The following CYP24A1 variants were observed in gnomAD, a reference collection of about 807,000 sequenced individuals.
The protein encoded by CYP24A1 is cytochrome P450 family 24 subfamily A member 1, also known as 1,25-dihydroxyvitamin D(3) 24-hydroxylase, mitochondrial.
A neutral mutation model predicts 62.4 loss-of-function variants in CYP24A1; 68 were observed. That is an observed-to-expected ratio of 1.09 (90% CI 0.90 to 1.33). CYP24A1 has a LOEUF of 1.33. Among genes scored for constraint, CYP24A1 ranks in the 40% most tolerant of loss-of-function variants. CYP24A1 has a pLI of 0.00. For missense variants in CYP24A1, 787 were observed against 653.0 expected (o/e 1.21, Z -2.24); for synonymous variants, 267 against 253.0 (o/e 1.06, Z -0.52).
intron 11 of CYP24A1, among the ~76,000 whole-genome samples, chr20:54,155,089 G>C (rs1031981903): frequency 5.9e-5 from 9 of 151,644 alleles, no homozygotes; most frequent in African/African-American, 9.7e-5. Flanking sequence ...TGATAAACAT[G>C]CATGCTCTTT....
chr20:54,173,550 C>T lies in CYP24A1; in HGVS notation c.30G>A (p.Ser10=), dbSNP rs1443725661. 6.3e-7 allele frequency: 1 copy of T among 1,581,966 alleles called. No homozygotes were observed. Among genetic ancestry groups the T allele is most frequent in the African/African-American group, 1.3e-5 (1 of 74,606 alleles). Residue 10 remains serine, a synonymous_variant, in exon 1 of 12, where the codon TCG becomes TCA. Coordinates refer to ENST00000216862, the MANE Select transcript of CYP24A1 (RefSeq NM_000782.5). This position sits in a 1 kb window ranked among gnomAD's most constrained non-coding sequence, Gnocchi z 7.2. ...GCAGCTGCTGCAGGAAGGCGGCAAGCGAGCGGCTCTTGCTGATGGGGGAGC... is the reference window on the plus strand; with the variant it reads ...GCAGCTGCTGCAGGAAGGCGGCAAGTGAGCGGCTCTTGCTGATGGGGGAGC... The part of the protein sequence containing the change: MSSPISKSR[S]LAAFLQQLRS...
chr20:54,151,859 C>G (rs1047023720), downstream of CYP24A1, among the ~76,000 whole-genome samples: 1 of 151,654 alleles, frequency 6.6e-6, no homozygotes, highest in Non-Finnish European at 1.5e-5. Flanking sequence ...TACTGAGCAC[C>G]TCTGTGCCTC....
downstream of CYP24A1, among the ~76,000 whole-genome samples, chr20:54,150,112 A>T: frequency 6.6e-6 from 1 of 152,222 alleles, no homozygotes; most frequent in East Asian, 1.9e-4. Flanking sequence ...TTCACAAAAA[A>T]ATTTGCAACC....
downstream of CYP24A1, among the ~76,000 whole-genome samples, chr20:54,153,250 G>T (rs553211098): frequency 2.0e-5 from 3 of 152,286 alleles, no homozygotes; most frequent in East Asian, 5.8e-4. Context: ...TATTTAAGCA[G>T]CAACAAAATG....
intron 4 of CYP24A1, among the ~76,000 whole-genome samples, chr20:54,166,577 A>G (rs1372909512): frequency 6.6e-6 from 1 of 152,234 alleles, no homozygotes; most frequent in East Asian, 1.9e-4. Flanking sequence ...TAAATACTTT[A>G]GCAGTAATGT....
intron 7 of CYP24A1, chr20:54,162,430 C>T: frequency 2.5e-6 from 1 of 406,238 alleles, no homozygotes; most frequent in Non-Finnish European, 4.6e-6. Context: ...CCTACTCTGG[C>T]TTTTTGTCAC....
In CYP24A1 at chr20:54,172,960, G is replaced by A. The variant is rs2092699137; in HGVS notation, c.398C>T (p.Pro133Leu). The A allele has an allele frequency of 2.5e-6, 4 of 1,613,522 alleles. No individual in the cohort carries two copies. The highest frequency in any genetic ancestry group is 2.2e-5 in the East Asian group (1 of 44,882). The change falls in exon 2 of 12, where the codon CCG becomes CTG. Residue 133 changes from proline (P) to leucine (L), a missense_variant. Physicochemically the swap from Pro to Leu is moderately conservative, Grantham distance 98. Coordinates refer to ENST00000216862, the MANE Select transcript of CYP24A1 (RefSeq NM_000782.5). ...GCGGTAGTCGCGATAGGCCTTCCAC[G>A]GTTTGATCTCCAGCCGCTGCGGGTA... ...SAYPQRLEIK[P>L]WKAYRDYRKE...
In CYP24A1 at chr20:54,173,351, C is replaced by T. The variant is rs1215065869; in HGVS notation, c.229G>A (p.Gly77Arg). 3 of 1,607,172 alleles carry T rather than the reference C, an allele frequency of 1.9e-6. No individual in the cohort carries two copies. Among genetic ancestry groups the T allele is most frequent in the Admixed American group, 3.4e-5 (2 of 59,332 alleles). The change falls in exon 1 of 12, where the codon GGG becomes AGG. Residue 77 changes from glycine to arginine, a missense_variant. Coordinates refer to ENST00000216862, the MANE Select transcript of CYP24A1 (RefSeq NM_000782.5). The surrounding 1 kb of genome is among the most constrained non-coding windows in gnomAD (Gnocchi z 7.2). ...GTGTCGTGCTGTTTCTTGAGACCCC[C>T]TTTCCAGAGAATCTGCAGCAGGCTG... ...LGSLLQILWK[G>R]GLKKQHDTLV...
At chr20:54,162,300 A>G (rs1190823673) in intron 7 of CYP24A1, among the ~76,000 whole-genome samples, 1 of 144,960 alleles carries the variant, frequency 6.9e-6, no homozygotes, top group Non-Finnish European at 1.5e-5. Flanking sequence ...TAACATGTGC[A>G]ACTGAACAAA....
In CYP24A1 at chr20:54,164,579, A is replaced by G; in HGVS notation, c.733-16T>C. 1 of 1,614,116 alleles carries G rather than the reference A, an allele frequency of 6.2e-7. No homozygotes were observed. ...TGCTCATCATCTGAGAGAAATGCAA[A>G]TGCCTTTTTATTCTGAATTCTCCTT... On this transcript the variant is annotated splice_polypyrimidine_tract_variant and intron_variant, in intron 5 of 11. Transcript: ENST00000216862.
chr20:54,171,784 T>G, intron 2 of CYP24A1, 114 bp from the exon 3 acceptor site: 2 of 1,590,536 alleles, frequency 1.3e-6, no homozygotes, highest in South Asian at 2.2e-5. Context: ...CTGAGAATCA[T>G]GCCAAGAAAT....
At position 54,165,744 on chromosome 20, in the gene CYP24A1, T is replaced by A; in HGVS notation, c.730A>T (p.Thr244Ser). ...GCTTTCTTAAAGAGGCTGCTTACTGTTTTGATGGCCATGATGAAGTTCACA... is the reference window on the plus strand; with the variant it reads ...GCTTTCTTAAAGAGGCTGCTTACTGATTTGATGGCCATGATGAAGTTCACA... ...EAVNFIMAIK[T>S]MMSTFGRMMV... is the part of the protein sequence containing the mutation. The change falls in exon 5 of 12, where the codon ACA (threonine) becomes TCA (serine). Residue 244 changes from threonine (T) to serine (S), a missense_variant and splice_region_variant. Coordinates refer to ENST00000216862, the MANE Select transcript of CYP24A1 (RefSeq NM_000782.5). 7.0e-7 allele frequency: 1 copy of A among 1,421,252 alleles called. No homozygotes were observed. Among genetic ancestry groups the A allele is most frequent in the East Asian group, 2.3e-5 (1 of 44,014 alleles). 88.0% of individuals were successfully genotyped at this position (1,421,252 alleles called of 1,614,324 possible). A position where few individuals can be genotyped will look rare whatever the true frequency, so the allele number is the denominator to read the frequency against.
rs532499456 is a variant in CYP24A1 at position 54,165,735 on chromosome 20, T to A, written c.732+7A>T. The A allele has an allele frequency of 6.2e-5, 83 of 1,330,102 alleles. 1 individual carries two copies. The South Asian group carries it at 9.1e-4, about 15-fold the overall frequency. The allele number at this position is 1,330,102 out of a possible 1,614,324, so 82.4% of individuals were successfully genotyped here. A position where few individuals can be genotyped will look rare whatever the true frequency, so the allele number is the denominator to read the frequency against. Reference sequence around the variant, plus strand: ...AAGAAAACTGCTTTCTTAAAGAGGCTGCTTACTGTTTTGATGGCCATGATG... The same window carrying A: ...AAGAAAACTGCTTTCTTAAAGAGGCAGCTTACTGTTTTGATGGCCATGATG... On this transcript the variant is annotated splice_region_variant and intron_variant, in intron 5 of 11. Coordinates refer to ENST00000216862, the MANE Select transcript of CYP24A1 (RefSeq NM_000782.5).
At chr20:54,147,310 CT>C in the CYP24A1 span, among the ~76,000 whole-genome samples, 1 of 152,170 alleles carries the variant, frequency 6.6e-6, no homozygotes, top group Non-Finnish European at 1.5e-5. Context: ...TGCATTTCAG[CT>C]TTTTAGAGAA....
chr20:54,157,176 G>A lies in CYP24A1; in HGVS notation c.*3C>T, dbSNP rs747626509. On this transcript the variant is annotated 3_prime_UTR_variant, in exon 11 of 12. Transcript: ENST00000216862. ...AACCGCCTAGATGCTCACCTGAGGC[G>A]TATTATCGCTGGCAAAACGCGATGG... is the stretch of plus-strand genomic sequence containing the variant. 18 of 1,512,754 alleles carry A rather than the reference G, an allele frequency of 1.2e-5. No individual in the cohort carries two copies. Among genetic ancestry groups the A allele is most frequent in the South Asian group, 2.3e-5 (2 of 88,592 alleles). 93.7% of individuals were successfully genotyped at this position (1,512,754 alleles called of 1,614,324 possible).
chr20:54,150,664 G>T (rs6013903), downstream of CYP24A1, among the ~76,000 whole-genome samples: 3 of 152,188 alleles, frequency 2.0e-5, no homozygotes, highest in Non-Finnish European at 4.4e-5. Context: ...ACTTCACCAG[G>T]TTTTAATTCT....
chr20:54,162,742 T>C lies in CYP24A1; in HGVS notation c.965A>G (p.Glu322Gly). 2 of 1,602,608 alleles carry C rather than the reference T, an allele frequency of 1.2e-6. No individual in the cohort carries two copies. Among genetic ancestry groups the C allele is most frequent in the Non-Finnish European group, 1.7e-6 (2 of 1,169,858 alleles). ...CGTTTCCACCGCAGCCAGCTGGAGC[T>C]CTGTGACAGCAGCATACAATTCTTT... ...SKKELYAAVTELQLAAVETTA... is the reference protein window; with the variant it reads ...SKKELYAAVTGLQLAAVETTA... The change falls in exon 7 of 12, where the codon GAG (glutamate) becomes GGG (glycine). Residue 322 changes from glutamate (E) to glycine (G), a missense_variant. Coordinates refer to ENST00000216862, the MANE Select transcript of CYP24A1 (RefSeq NM_000782.5).
chr20:54,165,624 TAAC>T, intron 5 of CYP24A1, 115 bp downstream of exon 5: 1 of 746,456 alleles, frequency 1.3e-6, no homozygotes, highest in Non-Finnish European at 2.4e-6. Flanking sequence ...AATGAACACT[TAAC>T]TATTGAAATA....
At chr20:54,146,193 A>T in the CYP24A1 span, among the ~76,000 whole-genome samples, 2 of 152,264 alleles carry the variant, frequency 1.3e-5, no homozygotes, top group South Asian at 4.1e-4. Context: ...AGGTTGGTGC[A>T]AAAGCGATTG....
Sources: allele counts gnomAD v4.1 joint callset (sites outside exome capture counted in the v4.1 genomes callset), GRCh38; gene constraint gnomAD v4.1.1; non-coding constraint Gnocchi (gnomAD v3.1); transcripts MANE v1.5; gene names NCBI Gene and HGNC (gene_info 2026-07-23, HGNC 2026-07-21).